RIPOR2: variants seen among roughly 807,000 people sequenced by gnomAD.
RIPOR2 encodes rho family-interacting cell polarization regulator 2.
RIPOR2 carries 39 observed loss-of-function variants against 114.5 expected under a neutral mutation model. The ratio of observed to expected loss-of-function variants is 0.34; its 90% CI spans 0.26 to 0.44. The LOEUF (loss-of-function observed/expected upper bound fraction) is 0.44, where lower values mean the gene tolerates loss of function less well. Among genes scored for constraint, RIPOR2 ranks in the 20% least tolerant of loss-of-function variants. RIPOR2 has a pLI of 1.00. For missense variants in RIPOR2, 1,007 were observed against 1,255.1 expected, an observed-to-expected ratio of 0.80 and a Z score of 2.99; for synonymous variants, 445 against 484.4, an observed-to-expected ratio of 0.92 and a Z score of 1.07.
At chr6:24,994,855 ATC>A (rs1158822288) in intron 1 of RIPOR2, among the ~76,000 whole-genome samples, 3 of 152,232 alleles carry the variant, frequency 2.0e-5, no homozygotes, top group African/African-American at 7.2e-5. Context: ...AATGAGGATT[ATC>A]TCTGTCTCTC....
At chr6:24,956,119 A>G (rs1773033691) in intron 1 of RIPOR2, among the ~76,000 whole-genome samples, 2 of 152,198 alleles carry the variant, frequency 1.3e-5, no homozygotes. Flanking sequence ...TAAAAATCAC[A>G]TGTAACTCAA....
intron 1 of RIPOR2, among the ~76,000 whole-genome samples, chr6:25,027,852 C>T (rs1341230939): frequency 6.6e-6 from 1 of 152,204 alleles, no homozygotes; most frequent in Non-Finnish European, 1.5e-5. Flanking sequence ...CAGGAATCCC[C>T]GGAGACACGC....
At chr6:25,020,465 T>C (rs1776264564) in intron 1 of RIPOR2, among the ~76,000 whole-genome samples, 1 of 152,248 alleles carries the variant, frequency 6.6e-6, no homozygotes, top group African/African-American at 2.4e-5. Flanking sequence ...AATAAGTCAA[T>C]GTGATATTCA....
At chr6:24,897,611 T>C (rs1768011478) in intron 1 of RIPOR2, among the ~76,000 whole-genome samples, 1 of 152,200 alleles carries the variant, frequency 6.6e-6, no homozygotes, top group Non-Finnish European at 1.5e-5. Context: ...TCTTAGTAAA[T>C]GAAAGTTCGT....
chr6:24,877,984 G>A (rs1765966003), intron 1 of RIPOR2, among the ~76,000 whole-genome samples: 2 of 152,138 alleles, frequency 1.3e-5, no homozygotes, highest in African/African-American at 4.8e-5. Context: ...AGGTCCAACA[G>A]GTGACTGGGA....
chr6:24,942,546 C>T (rs1368810182), intron 1 of RIPOR2, among the ~76,000 whole-genome samples: 1 of 152,174 alleles, frequency 6.6e-6, no homozygotes, highest in African/African-American at 2.4e-5. Context: ...AAAAGTGCTC[C>T]TATTTCTCCA....
intron 1 of RIPOR2, among the ~76,000 whole-genome samples, chr6:25,032,475 GAT>G (rs1459879530): frequency 6.6e-6 from 1 of 152,132 alleles, no homozygotes; most frequent in Non-Finnish European, 1.5e-5. Flanking sequence ...CCCTTGATGG[GAT>G]TGGAAATGGT....
chr6:24,807,974 G>A (rs367642981), intron 21 of RIPOR2, among the ~76,000 whole-genome samples: 1 of 152,078 alleles, frequency 6.6e-6, no homozygotes, highest in Admixed American at 6.5e-5. Flanking sequence ...ACTTCAGGGG[G>A]GTCTCAAACT....
intron 7 of RIPOR2, among the ~76,000 whole-genome samples, chr6:24,864,296 C>A (rs890602950): frequency 6.6e-6 from 1 of 152,170 alleles, no homozygotes; most frequent in African/African-American, 2.4e-5. Context: ...CGCCACTGCA[C>A]TCCAGCCTGT....
At chr6:25,006,684 C>T (rs535141442) in intron 1 of RIPOR2, among the ~76,000 whole-genome samples, 1 of 152,170 alleles carries the variant, frequency 6.6e-6, no homozygotes, top group South Asian at 2.1e-4. Context: ...TGGCCTTGCA[C>T]AAGTTTTTGA....
At chr6:24,943,235 G>A (rs918318318) in intron 1 of RIPOR2, among the ~76,000 whole-genome samples, 2 of 152,036 alleles carry the variant, frequency 1.3e-5, no homozygotes, top group African/African-American at 2.4e-5. Context: ...GTAAATTATC[G>A]CAAGGACAAA....
At chr6:24,940,225 A>T (rs1193951272), upstream of RIPOR2, among the ~76,000 whole-genome samples, 1 of 152,146 alleles carries the variant, frequency 6.6e-6, no homozygotes, top group Non-Finnish European at 1.5e-5. Flanking sequence ...TTGAAAAAAA[A>T]TACCACCTGT....
At chr6:24,927,309 TACAATCACTACCACCATCAC>T (rs1771009086) in intron 1 of RIPOR2, among the ~76,000 whole-genome samples, 1 of 16,852 alleles carries the variant, frequency 5.9e-5, no homozygotes, top group Non-Finnish European at 1.3e-4. Flanking sequence ...CCACCACAAC[TACAATCACTACCACCATCAC>T]CACCACCACC....
At position 25,002,886 on chromosome 6, in the gene RIPOR2, G is replaced by T. The variant is rs929106380; in HGVS notation, c.76+38965C>A. ...CAGCCATCTTGAAATGGAATGTGTG[G>T]TTCGTCCGAAGTTGCAGCCGGCAAT... On this transcript the variant is annotated intron_variant, in intron 1 of 13. Transcript: ENST00000510784. Among the ~76,000 whole-genome samples the T allele has an allele frequency of 6.6e-5, 10 of 152,340 alleles. No homozygotes were observed. The East Asian group carries it at 1.9e-3, about 29-fold the overall frequency.
At chr6:25,011,504 A>G (rs1775773443) in intron 1 of RIPOR2, among the ~76,000 whole-genome samples, 1 of 152,214 alleles carries the variant, frequency 6.6e-6, no homozygotes, top group Non-Finnish European at 1.5e-5. Flanking sequence ...GCTTTTCCAC[A>G]AAGGAAAACT....
In RIPOR2 at chr6:24,843,562, TA is replaced by T; in HGVS notation, c.1165-9del. 6.7e-7 allele frequency: 1 copy of T among 1,483,522 alleles called. No individual in the cohort carries two copies. The highest frequency in any genetic ancestry group is 9.0e-7 in the Non-Finnish European group (1 of 1,110,160). The allele number at this position is 1,483,522 out of a possible 1,614,324, so 91.9% of individuals were successfully genotyped here. On this transcript the variant is annotated splice_polypyrimidine_tract_variant and intron_variant, in intron 12 of 21. Coordinates refer to ENST00000643898, the MANE Select transcript of RIPOR2 (RefSeq NM_001286445.3). Reference sequence around the variant, plus strand: ...GTCATCAGGTAGATTTGACTATAGATAAAAGATACCTCATTATTATTTTCAA... The same window carrying T: ...GTCATCAGGTAGATTTGACTATAGATAAAGATACCTCATTATTATTTTCAA...
At chr6:25,013,404 C>G (rs1775851755) in intron 1 of RIPOR2, among the ~76,000 whole-genome samples, 1 of 151,978 alleles carries the variant, frequency 6.6e-6, no homozygotes. Flanking sequence ...ATGAATGAGG[C>G]TATAGCGGGG....
At chr6:24,970,462 A>G (rs1267911646) in intron 1 of RIPOR2, among the ~76,000 whole-genome samples, 2 of 152,210 alleles carry the variant, frequency 1.3e-5, no homozygotes, top group African/African-American at 4.8e-5. Context: ...GTGGATAGCT[A>G]AGGGACTTTT....
At chr6:24,994,640 T>C (rs1225089287) in intron 1 of RIPOR2, among the ~76,000 whole-genome samples, 1 of 152,162 alleles carries the variant, frequency 6.6e-6, no homozygotes, top group Non-Finnish European at 1.5e-5. Flanking sequence ...ATGAGAGCGA[T>C]GGGACATGGT....
Sources: gnomAD v4.1 joint callset for allele counts (sites outside exome capture counted in the v4.1 genomes callset) on GRCh38, gnomAD v4.1.1 for gene constraint, MANE v1.5 for transcripts, NCBI Gene and HGNC (gene_info 2026-07-23, HGNC 2026-07-21) for gene names.